Variants in AFF2 observed in about 807,000 individuals in gnomAD.
AFF2 encodes AF4/FMR2 family member 2.
A neutral mutation model predicts 76.9 loss-of-function variants in AFF2; 14 were observed. That is an observed-to-expected ratio of 0.18 (90% CI 0.12 to 0.28). The LOEUF is 0.28. Among genes scored for constraint, AFF2 ranks in the 10% least tolerant of loss-of-function variants. The probability of loss-of-function intolerance (pLI) is 1.00; values close to 1 mark genes in which losing one functional copy is unlikely to be tolerated. For synonymous variants in AFF2, 398 were observed against 366.7 expected (o/e 1.09, Z -0.98); for missense variants, 868 against 1,001.1 (o/e 0.87, Z 1.79).
rs185455267 is a variant in AFF2 at position 148,666,671 on chromosome X, A to G, written c.1041+3903A>G. On this transcript the variant is annotated intron_variant, in intron 3 of 20. Coordinates refer to ENST00000370460, the MANE Select transcript of AFF2 (RefSeq NM_002025.4). Reference sequence around the variant, plus strand: ...ATAGAGTTTATTAACATTCCTGGCAACAACAACAACAAAATGCTGATGTGT... The same window carrying G: ...ATAGAGTTTATTAACATTCCTGGCAGCAACAACAACAAAATGCTGATGTGT... Among the ~76,000 whole-genome samples, 58 of 111,488 alleles carry G rather than the reference A, an allele frequency of 5.2e-4. 1 individual carries two copies. The East Asian group carries it at 8.1e-3, about 16-fold the overall frequency.
At chrX:148,811,506 C>T (rs1359770009) in intron 4 of AFF2, among the ~76,000 whole-genome samples, 1 of 112,126 alleles carries the variant, frequency 8.9e-6, no homozygotes, top group East Asian at 2.8e-4. Flanking sequence ...TCCTTGCTCA[C>T]TTGTCAACAG....
intron 1 of AFF2, among the ~76,000 whole-genome samples, chrX:148,604,221 C>G (rs2124392105): frequency 8.9e-6 from 1 of 111,977 alleles, no homozygotes; most frequent in African/African-American, 3.2e-5. Context: ...TGCCATGACA[C>G]ATTCACAAAA....
intron 1 of AFF2, among the ~76,000 whole-genome samples, chrX:148,559,917 T>C (rs1557240258): frequency 8.9e-6 from 1 of 112,003 alleles, no homozygotes; most frequent in African/African-American, 3.2e-5. Flanking sequence ...TTCCTATTTC[T>C]CCACATCCTC....
rs782765698 is a variant in AFF2, at chrX:148,910,237, T to C, written c.1397+5979T>C. ...TTTAGGACCTGATTCATCATAGATA[T>C]GGTGCTTTCATTAGTGAAAATGACA... is the stretch of plus-strand genomic sequence containing the variant. On this transcript the variant is annotated intron_variant, in intron 9 of 20. Transcript: ENST00000370460. Among the ~76,000 whole-genome samples the C allele has an allele frequency of 3.6e-5, 4 of 112,674 alleles. No homozygotes were observed. In the East Asian group the frequency reaches 1.1e-3, roughly 31 times the overall value.
At chrX:148,829,171 T>C (rs1220642592) in intron 4 of AFF2, among the ~76,000 whole-genome samples, 2 of 112,536 alleles carry the variant, frequency 1.8e-5, no homozygotes, top group Non-Finnish European at 3.8e-5. Context: ...AAGTTAGTGT[T>C]AGAAACTTTT....
chrX:148,799,689 A>G (rs917046958), intron 3 of AFF2, among the ~76,000 whole-genome samples: 1 of 112,172 alleles, frequency 8.9e-6, no homozygotes, highest in Non-Finnish European at 1.9e-5. Flanking sequence ...CCAGAAAATT[A>G]TTGGCTTATT....
chrX:148,604,320 T>A (rs937207676), intron 1 of AFF2, among the ~76,000 whole-genome samples: 2 of 112,815 alleles, frequency 1.8e-5, no homozygotes, highest in South Asian at 7.0e-4. Flanking sequence ...CCAATTGCAA[T>A]GCAATAAATT....
intron 1 of AFF2, among the ~76,000 whole-genome samples, chrX:148,627,441 T>C (rs1359122366): frequency 9.0e-6 from 1 of 111,705 alleles, no homozygotes; most frequent in Non-Finnish European, 1.9e-5. Context: ...AGGCACAGAA[T>C]GTAGAGGACA....
In AFF2 at chrX:148,991,284, C is replaced by T. The variant is rs781918745; in HGVS notation, c.3888C>T (p.Tyr1296=). ...GCAGCATGACCAATCTTGTCCGCTA[C>T]GTTCGCCAAGGACTGTGTTGGCTGC... is the stretch of plus-strand genomic sequence containing the variant. ...QHSSMTNLVR[Y]VRQGLCWLRI... The change falls in exon 21 of 21, where the codon TAC becomes TAT. Residue 1296 remains tyrosine (Y), a synonymous_variant. Coordinates refer to ENST00000370460, the MANE Select transcript of AFF2 (RefSeq NM_002025.4). The T allele has an allele frequency of 1.7e-5, 21 of 1,208,416 alleles. No individual in the cohort carries two copies. Among genetic ancestry groups the T allele is most frequent in the African/African-American group, 1.2e-4 (7 of 57,125 alleles).
At chrX:148,680,595 A>G (rs1390185175) in intron 3 of AFF2, among the ~76,000 whole-genome samples, 1 of 112,256 alleles carries the variant, frequency 8.9e-6, no homozygotes, top group African/African-American at 3.2e-5. Context: ...TATGCAGAGT[A>G]TGGTGCTAGG....
chrX:148,847,313 G>A lies in AFF2; in HGVS notation c.1262+3880G>A, dbSNP rs2070679570. ...AGGCAGGTTCCATGAACTCAAGGGT[G>A]TACATCCAGTTAGTTCTTAACTTCA... On this transcript the variant is annotated intron_variant, in intron 7 of 20. Transcript: ENST00000370460. Among the ~76,000 whole-genome samples the A allele has an allele frequency of 3.6e-5, 4 of 111,844 alleles. No individual in the cohort carries two copies. The Admixed American group carries it at 3.8e-4, about 11-fold the overall frequency.
chrX:148,649,104 A>G (rs1463253776), intron 1 of AFF2, among the ~76,000 whole-genome samples: 8 of 111,741 alleles, frequency 7.2e-5, no homozygotes, highest in African/African-American at 2.6e-4. Context: ...GTGTGTAAAG[A>G]TGTATCAAAT....
chrX:148,813,960 A>G (rs995436530), intron 4 of AFF2, among the ~76,000 whole-genome samples: 12 of 112,302 alleles, frequency 1.1e-4, no homozygotes, highest in African/African-American at 3.6e-4. Context: ...TTTCAGGCAT[A>G]TTATCGCTTA....
At chrX:148,543,368 G>T (rs1462040401) in intron 1 of AFF2, among the ~76,000 whole-genome samples, 1 of 111,738 alleles carries the variant, frequency 8.9e-6, no homozygotes, top group Non-Finnish European at 1.9e-5. Flanking sequence ...AACTGATCTT[G>T]ATTGGACCCC....
In AFF2 at chrX:148,916,998, C is replaced by T. The variant is rs970604735; in HGVS notation, c.1397+12740C>T. ...ACCGTCCTAGTTTAGTTTGAGTATGCGTTTAGTCTTAGAATAAGTATGATT... is the reference window on the plus strand; with the variant it reads ...ACCGTCCTAGTTTAGTTTGAGTATGTGTTTAGTCTTAGAATAAGTATGATT... On this transcript the variant is annotated intron_variant, in intron 9 of 20. Transcript: ENST00000370460. Among the ~76,000 whole-genome samples, 4 of 112,253 alleles carry T rather than the reference C, an allele frequency of 3.6e-5. No homozygotes were observed. In the Admixed American group the frequency reaches 3.8e-4, roughly 11 times the overall value.
chrX:148,885,479 C>A (rs1187533625), intron 7 of AFF2, among the ~76,000 whole-genome samples: 2 of 111,306 alleles, frequency 1.8e-5, no homozygotes, highest in Non-Finnish European at 3.8e-5. Context: ...TGACAACAGC[C>A]TCCAGAGCTA....
intron 7 of AFF2, among the ~76,000 whole-genome samples, chrX:148,855,967 T>C (rs1557275862): frequency 8.9e-6 from 1 of 111,958 alleles, no homozygotes. Flanking sequence ...GAGTGAGTGC[T>C]GTTTGTACTA....
chrX:148,633,185 G>A (rs73638172), intron 1 of AFF2, among the ~76,000 whole-genome samples: 3,692 of 111,473 alleles, frequency 0.033, 169 homozygotes, highest in African/African-American at 0.12. Context: ...AAACTCTGAG[G>A]TCTAGTGCCT....
chrX:148,706,499 G>C (rs2054886194), intron 3 of AFF2, among the ~76,000 whole-genome samples: 1 of 112,340 alleles, frequency 8.9e-6, no homozygotes, highest in South Asian at 3.7e-4. Flanking sequence ...CATGGCACAC[G>C]CTTCCACTAC....
Sources: gnomAD v4.1 joint callset for allele counts (sites outside exome capture counted in the v4.1 genomes callset) on GRCh38, gnomAD v4.1.1 for gene constraint, MANE v1.5 for transcripts, NCBI Gene and HGNC (gene_info 2026-07-23, HGNC 2026-07-21) for gene names.